Variants in DNAJC6 observed in about 807,000 individuals in gnomAD.
The protein encoded by DNAJC6 is DnaJ heat shock protein family (Hsp40) member C6.
In DNAJC6, 34 loss-of-function variants were observed where a neutral mutation model predicts 110.0. The ratio of observed to expected loss-of-function variants is 0.31; its 90% CI spans 0.24 to 0.41. The LOEUF (loss-of-function observed/expected upper bound fraction) is 0.41, where lower values mean the gene tolerates loss of function less well. Among genes scored for constraint, DNAJC6 ranks in the 10% least tolerant of loss-of-function variants. The probability of loss-of-function intolerance (pLI) is 1.00; values close to 1 mark genes in which losing one functional copy is unlikely to be tolerated. For missense variants in DNAJC6, 1,031 were observed against 1,207.8 expected (o/e 0.85, Z 2.17); for synonymous variants, 406 against 437.2 (o/e 0.93, Z 0.89).
At position 65,392,608 on chromosome 1, in the gene DNAJC6, C is replaced by T. The variant is rs1230286867; in HGVS notation, c.1646C>T (p.Pro549Leu). The T allele has an allele frequency of 3.7e-6, 6 of 1,613,954 alleles. No individual in the cohort carries two copies. The highest frequency in any genetic ancestry group is 1.3e-5 in the African/African-American group (1 of 74,924). Residue 549 changes from proline to leucine, a missense_variant, in exon 12 of 19, where the codon CCA (proline) becomes CTA (leucine). By Grantham distance (98) the Pro-to-Leu change is moderately conservative (BLOSUM62 -3). Transcript: ENST00000371069. The part of the protein sequence containing the change: ...SKKQQEPAAP[P>L]PPEDVDLLGL... ...AAGCAGCAGGAGCCAGCAGCCCCTC[C>T]ACCCCCTGAGGATGTGGACCTTTTG...
intron 1 of DNAJC6, among the ~76,000 whole-genome samples, chr1:65,349,233 T>C (rs1645468802): frequency 6.6e-6 from 1 of 151,228 alleles, no homozygotes; most frequent in Non-Finnish European, 1.5e-5. Flanking sequence ...GAGAATGTTA[T>C]AGCAGTAAAA....
intron 1 of DNAJC6, among the ~76,000 whole-genome samples, chr1:65,336,350 TC>T (rs1019224078): frequency 5.3e-5 from 8 of 152,116 alleles, no homozygotes; most frequent in African/African-American, 1.9e-4. Context: ...ACTGGGTCCC[TC>T]CCACAACACA....
chr1:65,308,871 C>T (rs1645068695), upstream of DNAJC6, among the ~76,000 whole-genome samples: 2 of 152,210 alleles, frequency 1.3e-5, no homozygotes, highest in African/African-American at 4.8e-5. Context: ...CATCTGCTCT[C>T]TAGGCAGAAC....
intron 1 of DNAJC6, among the ~76,000 whole-genome samples, chr1:65,282,637 C>T (rs147337975): frequency 6.6e-6 from 1 of 152,228 alleles, no homozygotes; most frequent in African/African-American, 2.4e-5. Flanking sequence ...GTCAGGTGTA[C>T]ATAACTGGGA....
intron 4 of DNAJC6, among the ~76,000 whole-genome samples, chr1:65,368,794 C>T (rs1645677606): frequency 1.5e-5 from 2 of 133,690 alleles, no homozygotes; most frequent in South Asian, 2.9e-4. Flanking sequence ...CCTTCCCTTC[C>T]AAAAGAGCCT....
At chr1:65,363,559 G>A (rs888983904) in intron 1 of DNAJC6, among the ~76,000 whole-genome samples, 1 of 152,184 alleles carries the variant, frequency 6.6e-6, no homozygotes, top group African/African-American at 2.4e-5. Context: ...GGCTGGAGCA[G>A]TGGTTTTCAA....
chr1:65,413,258 G>T lies in DNAJC6; in HGVS notation c.*233G>T. ...GAGGAACTTCTAGTCAGATGACCTT[G>T]CAGAACCACCGCATTCCACCCTGCC... On this transcript the variant is annotated 3_prime_UTR_variant, in exon 19 of 19. Coordinates refer to ENST00000371069, the MANE Select transcript of DNAJC6 (RefSeq NM_001256864.2). 2.3e-6 allele frequency: 1 copy of T among 443,722 alleles called. No individual in the cohort carries two copies. Among genetic ancestry groups the T allele is most frequent in the Non-Finnish European group, 4.1e-6 (1 of 246,546 alleles). 27.5% of individuals were successfully genotyped at this position (443,722 alleles called of 1,614,324 possible).
At chr1:65,355,081 A>G (rs1334233678) in intron 1 of DNAJC6, among the ~76,000 whole-genome samples, 1 of 152,036 alleles carries the variant, frequency 6.6e-6, no homozygotes, top group African/African-American at 2.4e-5. Context: ...GTTTGAGAAC[A>G]TGGCGAAACC....
chr1:65,346,563 C>T lies in DNAJC6; in HGVS notation c.194-18072C>T, dbSNP rs1645438736. On this transcript the variant is annotated intron_variant, in intron 1 of 18. Transcript: ENST00000371069. The stretch of plus-strand genomic sequence containing the variant: ...GAGGAAACAACATTATATCCTGGTT[C>T]CAGTATGTATTATAGTTGGTGCCTT... 2.0e-5 allele frequency among the ~76,000 whole-genome samples: 3 copies of T among 152,072 alleles called. No homozygotes were observed. In the South Asian group the frequency reaches 6.2e-4, roughly 32 times the overall value.
At chr1:65,380,911 G>GTTTGTTTTTTTTTTTTTTTTT (rs1645812062) in intron 5 of DNAJC6, among the ~76,000 whole-genome samples, 1 of 114,918 alleles carries the variant, frequency 8.7e-6, no homozygotes, top group African/African-American at 4.3e-5. Context: ...TTTGTTTTTT[G>GTTTGTTTTTTTTTTTTTTTTT]TTTTGTTTTG....
intron 8 of DNAJC6, 94 bp downstream of exon 8, chr1:65,387,023 C>CCACAGTGTGG: frequency 9.5e-7 from 1 of 1,047,228 alleles, no homozygotes; most frequent in Non-Finnish European, 1.5e-6. Context: ...GGGCTTGAGT[C>CCACAGTGTGG]ACTTGTAGTT....
At chr1:65,381,544 C>T (rs1645822591) in intron 5 of DNAJC6, among the ~76,000 whole-genome samples, 1 of 146,614 alleles carries the variant, frequency 6.8e-6, no homozygotes, top group Admixed American at 6.7e-5. Flanking sequence ...GTAGGATTCC[C>T]TCTCAAAAAA....
At chr1:65,314,963 C>G (rs1645135756) in intron 1 of DNAJC6, among the ~76,000 whole-genome samples, 1 of 152,250 alleles carries the variant, frequency 6.6e-6, no homozygotes, top group Non-Finnish European at 1.5e-5. Context: ...GGAACCAAAT[C>G]TCGGAAAGTT....
intron 1 of DNAJC6, among the ~76,000 whole-genome samples, chr1:65,302,342 C>T (rs765446114): frequency 3.0e-5 from 4 of 131,732 alleles, no homozygotes; most frequent in African/African-American, 1.1e-4. Flanking sequence ...TTTGAATATC[C>T]CCTCCACAAC....
chr1:65,357,162 A>G (rs752475971), intron 1 of DNAJC6, among the ~76,000 whole-genome samples: 4 of 152,184 alleles, frequency 2.6e-5, no homozygotes, highest in Admixed American at 1.3e-4. Flanking sequence ...AGGGATTTCT[A>G]TCCCACAGTT....
chr1:65,409,907 A>G (rs956705188), intron 17 of DNAJC6, among the ~76,000 whole-genome samples: 2 of 152,142 alleles, frequency 1.3e-5, no homozygotes, highest in Admixed American at 6.5e-5. Context: ...TAAGTTTGCA[A>G]TTCAGCGAAT....
intron 1 of DNAJC6, among the ~76,000 whole-genome samples, chr1:65,300,277 T>G (rs1363274378): frequency 6.6e-6 from 1 of 152,182 alleles, no homozygotes; most frequent in Admixed American, 6.5e-5. Flanking sequence ...TCATTGTGAA[T>G]GTCTTCCACC....
chr1:65,314,490 A>AT (rs1553137795), intron 1 of DNAJC6, among the ~76,000 whole-genome samples: 52 of 150,282 alleles, frequency 3.5e-4, no homozygotes, highest in African/African-American at 6.8e-4. Context: ...CTTATTTTTT[A>AT]TTTTTTTTTT....
intron 7 of DNAJC6, among the ~76,000 whole-genome samples, chr1:65,386,343 G>C (rs1645872087): frequency 6.6e-6 from 1 of 152,226 alleles, no homozygotes; most frequent in Non-Finnish European, 1.5e-5. Flanking sequence ...GGGATGTGGA[G>C]AGAAGGGAGT....
Sources: gnomAD v4.1 joint callset for allele counts (sites outside exome capture counted in the v4.1 genomes callset) on GRCh38, gnomAD v4.1.1 for gene constraint, MANE v1.5 for transcripts, NCBI Gene and HGNC (gene_info 2026-07-23, HGNC 2026-07-21) for gene names.